The following ADGRG6 variants were observed in gnomAD, a reference collection of about 807,000 sequenced individuals.
ADGRG6 encodes G-protein coupled receptor 126.
ADGRG6 carries 84 observed loss-of-function variants against 142.4 expected under a neutral mutation model. The observed-to-expected ratio is 0.59, with a 90% CI of 0.49 to 0.71. The LOEUF (loss-of-function observed/expected upper bound fraction) is 0.71. ADGRG6 is among the 30% of genes least tolerant of loss of function. The pLI is 0.00. For synonymous variants in ADGRG6, 521 were observed against 520.5 expected (o/e 1.00, Z -0.01); for missense variants, 1,367 against 1,466.6 (o/e 0.93, Z 1.11).
intron 10 of ADGRG6, among the ~76,000 whole-genome samples, chr6:142,398,429 A>G (rs1207065170): frequency 6.6e-6 from 1 of 152,164 alleles, no homozygotes; most frequent in East Asian, 1.9e-4. Flanking sequence ...TGTCTCAAAA[A>G]AACAAACAGA....
intron 7 of ADGRG6, among the ~76,000 whole-genome samples, chr6:142,391,399 AAAAG>A (rs1303079746): frequency 6.7e-6 from 1 of 150,218 alleles, no homozygotes; most frequent in Non-Finnish European, 1.5e-5. Flanking sequence ...CTTTGGTAGC[AAAAG>A]AAAGTTTACG....
chr6:142,367,756 C>T lies in ADGRG6; in HGVS notation c.291C>T (p.Asp97=), dbSNP rs1240280885. The change falls in exon 3 of 25, where the codon GAC becomes GAT. Residue 97 remains aspartate, a synonymous_variant. Coordinates refer to ENST00000367609, the MANE Select transcript of ADGRG6 (RefSeq NM_198569.3). ...DIEEAPNCIY[D]SLSLDNGESQ... Reference sequence around the variant, plus strand: ...AAGAAGCTCCCAATTGCATTTATGACTCATTATCCCTTGATAATGGAGAGA... The same window carrying T: ...AAGAAGCTCCCAATTGCATTTATGATTCATTATCCCTTGATAATGGAGAGA... The T allele has an allele frequency of 1.2e-6, 2 of 1,613,682 alleles. No homozygotes were observed. Among genetic ancestry groups the T allele is most frequent in the African/African-American group, 2.7e-5 (2 of 75,038 alleles).
intron 10 of ADGRG6, among the ~76,000 whole-genome samples, chr6:142,399,151 C>A (rs1309405263): frequency 6.6e-6 from 1 of 151,988 alleles, no homozygotes; most frequent in South Asian, 2.1e-4. Context: ...AAACTTTGAC[C>A]CTTCGCCTTC....
intron 1 of ADGRG6, among the ~76,000 whole-genome samples, chr6:142,303,322 C>T (rs1169646807): frequency 6.6e-6 from 1 of 152,138 alleles, no homozygotes; most frequent in Non-Finnish European, 1.5e-5. Context: ...TGGGGAAAGA[C>T]CTGCCCCCTA....
In ADGRG6 at chr6:142,438,255, T is replaced by C; in HGVS notation, c.3465T>C (p.Asp1155=). ...CCAATATCATCAAGAAAAGTTCTGA[T>C]AATCTAGGAAAATCTTTGTCTTCAA... ...TATNIIKKSS[D]NLGKSLSSSS... The change falls in exon 24 of 25, where the codon GAT becomes GAC. Residue 1155 remains aspartate, a synonymous_variant. Transcript: ENST00000367609. The C allele has an allele frequency of 6.2e-7, 1 of 1,606,046 alleles. No homozygotes were observed. Among genetic ancestry groups the C allele is most frequent in the Non-Finnish European group, 8.5e-7 (1 of 1,175,112 alleles).
intron 2 of ADGRG6, among the ~76,000 whole-genome samples, chr6:142,351,858 C>A (rs1211099578): frequency 6.6e-6 from 1 of 151,990 alleles, no homozygotes; most frequent in African/African-American, 2.4e-5. Context: ...AAAAAACAAC[C>A]CCGTTATTAC....
intron 2 of ADGRG6, among the ~76,000 whole-genome samples, chr6:142,341,401 T>G: frequency 8.1e-6 from 1 of 123,738 alleles, no homozygotes; most frequent in East Asian, 2.1e-4. Context: ...TTATATTATA[T>G]AATATATTAT....
At chr6:142,313,332 AC>A (rs2114536018) in intron 2 of ADGRG6, among the ~76,000 whole-genome samples, 1 of 152,062 alleles carries the variant, frequency 6.6e-6, no homozygotes, top group Admixed American at 6.6e-5. Flanking sequence ...GTGGCCTAAC[AC>A]TCCATGACTC....
At chr6:142,440,919 T>C (rs199726782) in intron 24 of ADGRG6, 121 of 1,482,850 alleles carry the variant, frequency 8.2e-5, no homozygotes, top group Non-Finnish European at 1.1e-4. Context: ...TAATGTCTCC[T>C]ATGAGCATTC....
intron 1 of ADGRG6, among the ~76,000 whole-genome samples, chr6:142,307,302 G>A (rs1777548283): frequency 2.6e-5 from 4 of 152,058 alleles, no homozygotes; most frequent in African/African-American, 7.2e-5. Context: ...TGACAGCCAG[G>A]TTTGATTGGT....
In ADGRG6 at chr6:142,383,793, C is replaced by G; in HGVS notation, c.1172C>G (p.Thr391Ser). The change falls in exon 6 of 25, where the codon ACT becomes AGT. Residue 391 changes from threonine (T) to serine (S), a missense_variant. Thr to Ser is a moderately conservative substitution (Grantham distance 58). Around this residue, in one of 3 missense-constraint regions of ADGRG6, gnomAD observed 737 missense variants for 746.5 expected, o/e 0.99. Coordinates refer to ENST00000367609, the MANE Select transcript of ADGRG6 (RefSeq NM_198569.3). ...TVNSPSTTPPTVTTNMPVTNR... is the reference protein window; with the variant it reads ...TVNSPSTTPPSVTTNMPVTNR... The stretch of plus-strand genomic sequence containing the variant: ...AACTCTCCTAGTACTACACCACCCA[C>G]TGTCACCACTAACATGCCTGTTACT... 1 of 1,577,686 alleles carries G rather than the reference C, an allele frequency of 6.3e-7. No individual in the cohort carries two copies. The highest frequency in any genetic ancestry group is 1.1e-5 in the South Asian group (1 of 90,172).
intron 7 of ADGRG6, among the ~76,000 whole-genome samples, chr6:142,390,671 T>A (rs1036637209): frequency 3.3e-5 from 5 of 151,860 alleles, no homozygotes; most frequent in Non-Finnish European, 3.0e-5. Context: ...TAGATTATTT[T>A]AAAAATTGTT....
chr6:142,420,763 C>T (rs1338406527), intron 22 of ADGRG6, among the ~76,000 whole-genome samples: 13 of 152,134 alleles, frequency 8.5e-5, no homozygotes, highest in Admixed American at 8.5e-4. Context: ...TTCCATAATA[C>T]ATACCATAGT....
chr6:142,348,600 G>C (rs932976977), intron 2 of ADGRG6, among the ~76,000 whole-genome samples: 1 of 151,364 alleles, frequency 6.6e-6, no homozygotes, highest in African/African-American at 2.4e-5. Flanking sequence ...TGGATCATGA[G>C]CAAAGCAATA....
chr6:142,400,878 G>T, intron 11 of ADGRG6: 1 of 271,252 alleles, frequency 3.7e-6, no homozygotes, highest in Non-Finnish European at 6.9e-6. Context: ...TACCTTGTAT[G>T]TGGATGAACC....
At position 142,414,998 on chromosome 6, in the gene ADGRG6, T is replaced by A; in HGVS notation, c.2571T>A (p.Asp857Glu). ...TTCCAAGAAGTGCCTCACAGTTAGA[T>A]GCAAGAAACACTAAAGTCCTCACTT... is the stretch of plus-strand genomic sequence containing the variant. Reference protein sequence around the residue: ...MDLPRSASQLDARNTKVLTFI... With the variant: ...MDLPRSASQLEARNTKVLTFI... Residue 857 changes from aspartate to glutamate, a missense_variant, in exon 19 of 25, where the codon GAT becomes GAA. Asp to Glu is a conservative substitution (Grantham distance 45). Around this residue, in one of 3 missense-constraint regions of ADGRG6, gnomAD observed 286 missense variants for 371.4 expected, o/e 0.77. Coordinates refer to ENST00000367609, the MANE Select transcript of ADGRG6 (RefSeq NM_198569.3). 1 of 1,611,960 alleles carries A rather than the reference T, an allele frequency of 6.2e-7. No individual in the cohort carries two copies. The highest frequency in any genetic ancestry group is 8.5e-7 in the Non-Finnish European group (1 of 1,178,854).
Position 142,327,701 on chromosome 6 carries a change from G to C in ADGRG6, c.103+18057G>C, listed in dbSNP as rs114317381. 7.6e-3 allele frequency among the ~76,000 whole-genome samples: 1,154 copies of C among 152,082 alleles called. 13 individuals are homozygous for C. Among genetic ancestry groups the C allele is most frequent in the African/African-American group, 0.026 (1,099 of 41,496 alleles). ...TCTATAAAGGGTAAGCTCTTTATCA[G>C]TTTTTTCACTGAATTCCCTTCCATT... On this transcript the variant is annotated intron_variant, in intron 2 of 24. Transcript: ENST00000367609.
intron 2 of ADGRG6, among the ~76,000 whole-genome samples, chr6:142,340,356 A>G (rs1779555095): frequency 6.6e-6 from 1 of 152,042 alleles, no homozygotes; most frequent in Non-Finnish European, 1.5e-5. Context: ...TTATTATTCA[A>G]GACTTATTAT....
intron 11 of ADGRG6, 42 bp from the exon 12 acceptor site, chr6:142,401,951 AC>A: frequency 1.1e-6 from 1 of 874,324 alleles, no homozygotes; most frequent in South Asian, 1.5e-5. Context: ...ACAAAATAAT[AC>A]CAGTTATATC....
Sources: gnomAD v4.1 joint callset for allele counts (sites outside exome capture counted in the v4.1 genomes callset) on GRCh38, gnomAD v4.1.1 for gene constraint, gnomAD v4.1.1 regional missense constraint, MANE v1.5 for transcripts, NCBI Gene and HGNC (gene_info 2026-07-23, HGNC 2026-07-21) for gene names.